Variants in TRIM33 observed in about 807,000 individuals in gnomAD.
The protein encoded by TRIM33 is tripartite motif containing 33.
TRIM33 carries 20 observed loss-of-function variants against 125.4 expected under a neutral mutation model. The observed-to-expected ratio is 0.16, with a 90% CI of 0.11 to 0.23. The LOEUF is 0.23. Ranked by LOEUF, TRIM33 falls within the 10% of genes least tolerant of loss-of-function variation. The pLI, the probability that TRIM33 is intolerant of heterozygous loss-of-function variation, is 1.00. For synonymous variants in TRIM33, 564 were observed against 513.9 expected (o/e 1.10, Z -1.32); for missense variants, 920 against 1,411.4 (o/e 0.65, Z 5.58).
Position 114,425,706 on chromosome 1 carries a change from T to C in TRIM33, c.1438A>G (p.Ser480Gly), listed in dbSNP as rs1451563220. ...VVNLGNLVIE[S>G]KPAPGYTPNV... is the part of the protein sequence containing the mutation. The stretch of plus-strand genomic sequence containing the variant: ...GGAGTATAACCAGGAGCTGGTTTAC[T>C]CTCTATTACTAGATTACCTGAAAAA... The change falls in exon 9 of 20, where the codon AGT (serine) becomes GGT (glycine). Residue 480 changes from serine (S) to glycine (G), a missense_variant. Ser to Gly is a moderately conservative substitution (Grantham distance 56). Around this residue, in one of 8 missense-constraint regions of TRIM33, gnomAD observed 407 missense variants for 589.7 expected, o/e 0.69. Transcript: ENST00000358465. 3 of 1,602,844 alleles carry C rather than the reference T, an allele frequency of 1.9e-6. No individual in the cohort carries two copies. The Admixed American group carries it at 5.2e-5, about 28-fold the overall frequency.
At chr1:114,410,053 T>C (rs1018226343) in intron 12 of TRIM33, 131 bp downstream of exon 12, 1 of 1,177,160 alleles carries the variant, frequency 8.5e-7, no homozygotes, top group Non-Finnish European at 1.2e-6. Context: ...AATAAATCTC[T>C]CTCAATCTCC....
At chr1:114,463,049 G>A (rs1291982792) in intron 4 of TRIM33, 55 bp downstream of exon 4, 13 of 1,392,336 alleles carry the variant, frequency 9.3e-6, no homozygotes, top group Non-Finnish European at 1.2e-5. Flanking sequence ...GAAGAAGAAT[G>A]ACTTTACAAG....
At chr1:114,424,085 T>C (rs899650827) in intron 10 of TRIM33, among the ~76,000 whole-genome samples, 12 of 152,110 alleles carry the variant, frequency 7.9e-5, no homozygotes, top group African/African-American at 2.7e-4. Context: ...AACATGTCTC[T>C]AAACACACTT....
chr1:114,450,214 G>A (rs1250662814), intron 4 of TRIM33, among the ~76,000 whole-genome samples: 1 of 152,114 alleles, frequency 6.6e-6, no homozygotes, highest in Non-Finnish European at 1.5e-5. Flanking sequence ...AGCCAAGACC[G>A]CACCATCGCA....
chr1:114,508,885 T>C (rs1225924437), intron 1 of TRIM33, among the ~76,000 whole-genome samples: 1 of 152,192 alleles, frequency 6.6e-6, no homozygotes, highest in Non-Finnish European at 1.5e-5. Context: ...TTTTTCCCAT[T>C]TCACAAATGA....
At chr1:114,458,663 T>A (rs1285603821) in intron 4 of TRIM33, among the ~76,000 whole-genome samples, 3 of 152,144 alleles carry the variant, frequency 2.0e-5, no homozygotes, top group African/African-American at 7.2e-5. Flanking sequence ...ATATCTCCCA[T>A]CCTCCTTGCT....
chr1:114,506,130 C>A (rs1652985448), intron 1 of TRIM33, among the ~76,000 whole-genome samples: 1 of 151,930 alleles, frequency 6.6e-6, no homozygotes, highest in African/African-American at 2.4e-5. Flanking sequence ...GCCTATAATC[C>A]CAGCACTTTG....
At chr1:114,409,356 C>T (rs898318829) in intron 12 of TRIM33, among the ~76,000 whole-genome samples, 1 of 152,166 alleles carries the variant, frequency 6.6e-6, no homozygotes, top group African/African-American at 2.4e-5. Context: ...AAGAGAGCTA[C>T]ATATCATGGC....
chr1:114,502,672 A>C (rs1216460154), intron 1 of TRIM33, among the ~76,000 whole-genome samples: 1 of 151,456 alleles, frequency 6.6e-6, no homozygotes. Context: ...ACACTCGGAT[A>C]ATTTTTTTAT....
intron 1 of TRIM33, among the ~76,000 whole-genome samples, chr1:114,509,774 T>C (rs765631467): frequency 5.3e-5 from 8 of 152,056 alleles, no homozygotes; most frequent in Non-Finnish European, 1.0e-4. Flanking sequence ...TGCTGCAAGT[T>C]ATATGTTTCT....
At chr1:114,441,998 T>C (rs903248833) in intron 4 of TRIM33, among the ~76,000 whole-genome samples, 17 of 152,200 alleles carry the variant, frequency 1.1e-4, no homozygotes, top group African/African-American at 4.1e-4. Context: ...TTAATTCAAA[T>C]TTTAAAGAAT....
At chr1:114,463,305 T>C in intron 3 of TRIM33, 69 bp from the exon 4 acceptor site, 1 of 1,556,270 alleles carries the variant, frequency 6.4e-7, no homozygotes, top group Non-Finnish European at 8.7e-7. Flanking sequence ...TAAATTCCTA[T>C]TGATGTTGCT....
intron 1 of TRIM33, among the ~76,000 whole-genome samples, chr1:114,487,357 A>AAAAAC (rs71090784): frequency 6.6e-6 from 1 of 150,992 alleles, no homozygotes; most frequent in Non-Finnish European, 1.5e-5. Context: ...AAAAAAAAAA[A>AAAAAC]CAACCTGGCT....
At chr1:114,465,869 G>A (rs914080044) in intron 1 of TRIM33, among the ~76,000 whole-genome samples, 21 of 151,768 alleles carry the variant, frequency 1.4e-4, no homozygotes, top group Admixed American at 4.6e-4. Flanking sequence ...GTGAAACCCC[G>A]TCTCTACTAA....
At chr1:114,486,544 C>T (rs1481271441) in intron 1 of TRIM33, among the ~76,000 whole-genome samples, 16 of 87,956 alleles carry the variant, frequency 1.8e-4, no homozygotes, top group Admixed American at 3.5e-4. Flanking sequence ...GGGACCCTAT[C>T]TCAAAAAAAA....
intron 16 of TRIM33, among the ~76,000 whole-genome samples, chr1:114,401,757 C>G (rs1045543577): frequency 2.0e-5 from 3 of 152,300 alleles, no homozygotes; most frequent in Non-Finnish European, 2.9e-5. Flanking sequence ...TTATAAATTA[C>G]TTGGTAATAA....
chr1:114,502,829 T>C (rs1652791181), intron 1 of TRIM33, among the ~76,000 whole-genome samples: 1 of 152,158 alleles, frequency 6.6e-6, no homozygotes, highest in Non-Finnish European at 1.5e-5. Context: ...ACAACACTTT[T>C]AAAAATCAGA....
intron 1 of TRIM33, among the ~76,000 whole-genome samples, chr1:114,482,811 GT>G (rs1260040210): frequency 6.6e-6 from 1 of 152,136 alleles, no homozygotes; most frequent in Non-Finnish European, 1.5e-5. Flanking sequence ...GTATGAAGAT[GT>G]GCTTAACTTC....
chr1:114,482,382 T>C (rs562598103), intron 1 of TRIM33, among the ~76,000 whole-genome samples: 1 of 152,134 alleles, frequency 6.6e-6, no homozygotes, highest in South Asian at 2.1e-4. Context: ...AGAGTAGCTA[T>C]GAATAGGGAA....
Sources: gnomAD v4.1 joint callset for allele counts (sites outside exome capture counted in the v4.1 genomes callset) on GRCh38, gnomAD v4.1.1 for gene constraint, gnomAD v4.1.1 regional missense constraint, MANE v1.5 for transcripts, NCBI Gene and HGNC (gene_info 2026-07-23, HGNC 2026-07-21) for gene names.